The following GOLGA8S variants were observed in gnomAD, a reference collection of about 807,000 sequenced individuals.
The protein encoded by GOLGA8S is golgin subfamily A member 8S.
A neutral mutation model predicts 58.9 loss-of-function variants in GOLGA8S; 23 were observed. The observed-to-expected ratio is 0.39, with a 90% CI of 0.28 to 0.55. GOLGA8S has a LOEUF of 0.55. Among genes scored for constraint, GOLGA8S ranks in the 20% least tolerant of loss-of-function variants. The pLI, the probability that GOLGA8S is intolerant of heterozygous loss-of-function variation, is 0.63. For missense variants in GOLGA8S, 266 were observed against 514.2 expected (o/e 0.52, Z 4.67); for synonymous variants, 84 against 195.7 (o/e 0.43, Z 4.76).
At chr15:23,358,098 C>A (rs1284958218) in intron 4 of GOLGA8S, among the ~76,000 whole-genome samples, 4 of 151,670 alleles carry the variant, frequency 2.6e-5, no homozygotes, top group Non-Finnish European at 4.4e-5. Flanking sequence ...CTTTTCCACC[C>A]TAAATCTTCT....
intron 11 of GOLGA8S, among the ~76,000 whole-genome samples, 158 bp downstream of exon 11, chr15:23,360,973 C>T (rs1348215213): frequency 1.3e-5 from 2 of 148,370 alleles, no homozygotes; most frequent in Non-Finnish European, 3.0e-5. Flanking sequence ...CTCAATGAGC[C>T]TCAGTGTCCC....
At chr15:23,360,674 T>C in intron 10 of GOLGA8S, 54 bp from the exon 11 acceptor site, 2 of 1,210,526 alleles carry the variant, frequency 1.7e-6, no homozygotes, top group Non-Finnish European at 2.4e-6. Context: ...GAGGGCAGCC[T>C]GTCCAGCCTC....
At chr15:23,360,617 G>C (rs1244771737) in intron 10 of GOLGA8S, 85 bp downstream of exon 10, 2 of 1,232,398 alleles carry the variant, frequency 1.6e-6, no homozygotes, top group African/African-American at 3.0e-5. Flanking sequence ...AGTAGAGCCA[G>C]AGGTGGTCAT....
At chr15:23,358,190 A>C (rs1184364451) in intron 4 of GOLGA8S, among the ~76,000 whole-genome samples, 4 of 149,472 alleles carry the variant, frequency 2.7e-5, no homozygotes, top group Non-Finnish European at 5.9e-5. Context: ...AGCTGGCAGA[A>C]GGGGGGGCCT....
downstream of GOLGA8S, chr15:23,365,977 C>T (rs1356724774): frequency 6.6e-6 from 1 of 151,092 alleles, no homozygotes; most frequent in African/African-American, 2.4e-5. Flanking sequence ...ATGAAAGGTT[C>T]CCATCGTTGA....
At chr15:23,359,649 C>T (rs2069751470) in intron 8 of GOLGA8S, among the ~76,000 whole-genome samples, 1 of 143,706 alleles carries the variant, frequency 7.0e-6, no homozygotes, top group Non-Finnish European at 1.5e-5. Context: ...AACAGGGTGG[C>T]TGGGAGATAC....
chr15:23,360,938 G>T (rs1596016537), intron 11 of GOLGA8S, 123 bp downstream of exon 11: 7 of 746,550 alleles, frequency 9.4e-6, no homozygotes, highest in South Asian at 3.0e-5. Flanking sequence ...AGAGGTCTGT[G>T]CCAGGAGACG....
At chr15:23,362,473 A>G (rs3878845) in intron 13 of GOLGA8S, among the ~76,000 whole-genome samples, 1 of 127,454 alleles carries the variant, frequency 7.8e-6, no homozygotes, top group East Asian at 2.2e-4. Flanking sequence ...CGCATCTCTA[A>G]GTCTCTGTTT....
intron 4 of GOLGA8S, among the ~76,000 whole-genome samples, chr15:23,358,031 C>CT (rs2141021982): frequency 1.3e-5 from 2 of 150,904 alleles, no homozygotes; most frequent in Non-Finnish European, 3.0e-5. Context: ...GCTCTCGAGT[C>CT]TGAGATTTAA....
chr15:23,364,436 T>C (rs771563767), exon 16 of GOLGA8S: 38 of 1,605,118 alleles, frequency 2.4e-5, no homozygotes, highest in Admixed American at 1.0e-4. Context: ...GCAAGAGAGA[T>C]GCCATCAGTG....
At chr15:23,359,562 C>CGTGT (rs560966226) in intron 8 of GOLGA8S, among the ~76,000 whole-genome samples, 2 of 138,306 alleles carry the variant, frequency 1.4e-5, no homozygotes, top group South Asian at 2.4e-4. Context: ...AGAGAGGAAA[C>CGTGT]GTGTGTGTGT....
At chr15:23,360,778 G>A (rs778539408) in exon 11 of GOLGA8S, 22 of 1,423,520 alleles carry the variant, frequency 1.5e-5, no homozygotes, top group Non-Finnish European at 2.1e-5. Context: ...GGGTAGAGAC[G>A]CTGGAGAGGA....
At chr15:23,368,449 T>C (rs1401523752), downstream of GOLGA8S, among the ~76,000 whole-genome samples, 5 of 151,890 alleles carry the variant, frequency 3.3e-5, no homozygotes, top group Non-Finnish European at 1.5e-5. Flanking sequence ...AAAATTGTAA[T>C]ACAACTATGC....
At chr15:23,356,368 C>T (rs2069688837) in intron 1 of GOLGA8S, among the ~76,000 whole-genome samples, 2 of 134,710 alleles carry the variant, frequency 1.5e-5, no homozygotes, top group Non-Finnish European at 3.3e-5. Flanking sequence ...AGTCAGAAGA[C>T]TGAGTTTCAA....
rs2344790 is a variant in GOLGA8S, at chr15:23,364,478, A to G, written c.1448+35A>G. ...AGGCCAGGGCACAGCAGGGGGAGCTACAGGGCCGTCGGAGGGGCCCCAGCG... is the reference window on the plus strand; with the variant it reads ...AGGCCAGGGCACAGCAGGGGGAGCTGCAGGGCCGTCGGAGGGGCCCCAGCG... On this transcript the variant is annotated intron_variant, in intron 16 of 18. Transcript: ENST00000562295. 151 of 1,605,002 alleles carry G rather than the reference A, an allele frequency of 9.4e-5. 3 individuals carry two copies. Among genetic ancestry groups the G allele is most frequent in the South Asian group, 3.4e-4 (31 of 90,514 alleles).
downstream of GOLGA8S, chr15:23,365,936 C>T (rs1185987999): frequency 6.6e-6 from 1 of 151,748 alleles, no homozygotes; most frequent in African/African-American, 2.4e-5. Flanking sequence ...TACTCTTTTT[C>T]AATGACCTAA....
chr15:23,361,233 C>T (rs2069792106), exon 12 of GOLGA8S: 2 of 1,484,856 alleles, frequency 1.3e-6, no homozygotes, highest in Non-Finnish European at 1.9e-6. Flanking sequence ...GAACCTCTGC[C>T]CCCGGAGCCC....
At chr15:23,359,487 G>T (rs1194740011) in intron 8 of GOLGA8S, among the ~76,000 whole-genome samples, 2 of 144,082 alleles carry the variant, frequency 1.4e-5, no homozygotes, top group African/African-American at 5.4e-5. Context: ...AGTCCTCAGT[G>T]GGTATTGGGT....
intron 13 of GOLGA8S, among the ~76,000 whole-genome samples, chr15:23,362,761 C>G (rs2069823244): frequency 7.0e-6 from 1 of 143,342 alleles, no homozygotes; most frequent in African/African-American, 2.7e-5. Flanking sequence ...CCCACAGTGC[C>G]CTCGCTACCC....
Sources: allele counts gnomAD v4.1 joint callset (sites outside exome capture counted in the v4.1 genomes callset), GRCh38; gene constraint gnomAD v4.1.1; transcripts MANE v1.5; gene names NCBI Gene and HGNC (gene_info 2026-07-23, HGNC 2026-07-21).